KIAA1958: variants seen among roughly 807,000 people sequenced by gnomAD.
KIAA1958 encodes uncharacterized protein KIAA1958.
KIAA1958 carries 14 observed loss-of-function variants against 47.2 expected under a neutral mutation model. That is an observed-to-expected ratio of 0.30 (90% confidence interval 0.20 to 0.46). The LOEUF is 0.46. Among genes scored for constraint, KIAA1958 ranks in the 20% least tolerant of loss-of-function variants. KIAA1958 has a pLI of 1.00. For missense variants in KIAA1958, 803 were observed against 909.2 expected, an observed-to-expected ratio of 0.88 and a Z score of 1.50; for synonymous variants, 354 against 353.3, an observed-to-expected ratio of 1.00 and a Z score of -0.02.
At chr9:112,557,865 T>C (rs1835268776) in intron 1 of KIAA1958, among the ~76,000 whole-genome samples, 1 of 151,974 alleles carries the variant, frequency 6.6e-6, no homozygotes, top group Admixed American at 6.5e-5. Context: ...TATAAGAAAA[T>C]GTTATAGGAA....
chr9:112,527,880 T>C (rs1378993223), intron 1 of KIAA1958, among the ~76,000 whole-genome samples: 1 of 149,064 alleles, frequency 6.7e-6, no homozygotes, highest in Non-Finnish European at 1.5e-5. Flanking sequence ...GAGGTTTCAG[T>C]GAGTGGAGAT....
chr9:112,488,610 G>C (rs1180010902), intron 1 of KIAA1958, among the ~76,000 whole-genome samples: 1 of 151,972 alleles, frequency 6.6e-6, no homozygotes, highest in Non-Finnish European at 1.5e-5. Flanking sequence ...AGTTTTGGGG[G>C]CCATGCATAC....
At chr9:112,517,215 G>A (rs1046623755) in intron 1 of KIAA1958, among the ~76,000 whole-genome samples, 32 of 90,282 alleles carry the variant, frequency 3.5e-4, no homozygotes, top group Non-Finnish European at 6.4e-4. Context: ...GAACATCATA[G>A]AGAGTCCAGA....
intron 2 of KIAA1958, among the ~76,000 whole-genome samples, chr9:112,589,920 C>T (rs1404063771): frequency 6.6e-6 from 1 of 152,128 alleles, no homozygotes; most frequent in Non-Finnish European, 1.5e-5. Context: ...CTGGTATAGC[C>T]ATTATAAGTT....
chr9:112,595,573 G>A (rs945509507), intron 2 of KIAA1958, among the ~76,000 whole-genome samples: 9 of 151,756 alleles, frequency 5.9e-5, no homozygotes, highest in South Asian at 4.2e-4. Context: ...GGGGGTAGGC[G>A]GAGCTGAGGC....
intron 1 of KIAA1958, among the ~76,000 whole-genome samples, chr9:112,488,901 A>G (rs902849889): frequency 1.3e-5 from 2 of 152,206 alleles, no homozygotes; most frequent in Non-Finnish European, 2.9e-5. Flanking sequence ...TTGCATGCCT[A>G]ATTTTGTAAA....
intron 1 of KIAA1958, among the ~76,000 whole-genome samples, chr9:112,572,531 G>C (rs1220524143): frequency 6.6e-6 from 1 of 152,146 alleles, no homozygotes; most frequent in East Asian, 1.9e-4. Context: ...GTACAGCAAA[G>C]GCAAATCCCT....
At chr9:112,607,442 C>T (rs906155834) in intron 2 of KIAA1958, among the ~76,000 whole-genome samples, 6 of 152,044 alleles carry the variant, frequency 3.9e-5, no homozygotes, top group African/African-American at 1.4e-4. Flanking sequence ...GTAAAATAAA[C>T]GTTCCCTTTT....
At chr9:112,599,413 C>T (rs1472528653) in intron 2 of KIAA1958, among the ~76,000 whole-genome samples, 1 of 152,102 alleles carries the variant, frequency 6.6e-6, no homozygotes, top group Non-Finnish European at 1.5e-5. Context: ...GAAATGCAGT[C>T]ATAGTTGAAT....
intron 1 of KIAA1958, among the ~76,000 whole-genome samples, chr9:112,504,607 A>G (rs1834203320): frequency 6.6e-6 from 1 of 152,178 alleles, no homozygotes; most frequent in African/African-American, 2.4e-5. Flanking sequence ...ATCTGAGGTT[A>G]TCCAGCACTG....
At chr9:112,597,639 C>G (rs752991030) in intron 2 of KIAA1958, among the ~76,000 whole-genome samples, 1 of 152,252 alleles carries the variant, frequency 6.6e-6, no homozygotes, top group South Asian at 2.1e-4. Context: ...ATCTCTAACT[C>G]CTTCGTTAGA....
chr9:112,632,624 ATTTG>A (rs2131231070), intron 2 of KIAA1958, among the ~76,000 whole-genome samples: 1 of 152,068 alleles, frequency 6.6e-6, no homozygotes, highest in Admixed American at 6.5e-5. Context: ...TGTTATTTGT[ATTTG>A]TTCTGTGAAT....
At chr9:112,513,004 ATTT>A (rs34446189) in intron 1 of KIAA1958, among the ~76,000 whole-genome samples, 5 of 104,528 alleles carry the variant, frequency 4.8e-5, no homozygotes, top group Admixed American at 2.0e-4. Flanking sequence ...TGCCCAGCTA[ATTT>A]TTTTTTTTTT....
At chr9:112,556,735 C>G (rs1294201092) in intron 1 of KIAA1958, among the ~76,000 whole-genome samples, 3 of 152,202 alleles carry the variant, frequency 2.0e-5, no homozygotes, top group East Asian at 1.9e-4. Context: ...AGATTTTAAT[C>G]TAGGGAGTGT....
rs551956189 is a variant in KIAA1958 at position 112,625,423 on chromosome 9, GAATTACAGGC to G, written c.1172-20225_1172-20216del. 2.2e-4 allele frequency among the ~76,000 whole-genome samples: 34 copies of G among 152,284 alleles called. No individual in the cohort carries two copies. In the South Asian group the frequency reaches 6.8e-3, roughly 31 times the overall value. On this transcript the variant is annotated intron_variant, in intron 2 of 3. Coordinates refer to ENST00000337530, the MANE Select transcript of KIAA1958 (RefSeq NM_133465.4). ...CCCACCTCAGCCTCCCAAAGTGCTA[GAATTACAGGC>G]ATGAGCCACTGCTCTGTCCTCATCC...
chr9:112,643,629 CATTT>C (rs1206233292), intron 2 of KIAA1958, among the ~76,000 whole-genome samples: 1 of 152,132 alleles, frequency 6.6e-6, no homozygotes, highest in Non-Finnish European at 1.5e-5. Flanking sequence ...TTGCTGTAAA[CATTT>C]ATTAAAGCAG....
At chr9:112,498,963 A>G (rs1178875185) in intron 1 of KIAA1958, among the ~76,000 whole-genome samples, 2 of 152,116 alleles carry the variant, frequency 1.3e-5, no homozygotes, top group Non-Finnish European at 1.5e-5. Context: ...TCAAAAATTT[A>G]TCTCCTACAT....
chr9:112,559,878 A>G (rs1330423916), intron 1 of KIAA1958, among the ~76,000 whole-genome samples: 1 of 152,222 alleles, frequency 6.6e-6, no homozygotes, highest in East Asian at 1.9e-4. Context: ...ATGTGATGGA[A>G]TAATATTGCT....
rs780264638 is a variant in KIAA1958 at position 112,574,560 on chromosome 9, T to C, written c.480T>C (p.Phe160=). 19 of 1,614,150 alleles carry C rather than the reference T, an allele frequency of 1.2e-5. No homozygotes were observed. In the East Asian group the frequency reaches 4.0e-4, roughly 34 times the overall value. ...CTGTTACAGATGAGGATAGTGACTT[T>C]GAACCCCAAACCCAAAGGCCTCAAA... is the stretch of plus-strand genomic sequence containing the variant. The part of the protein sequence containing the change: ...ESSVTDEDSD[F]EPQTQRPQSI... Residue 160 remains phenylalanine (F), a synonymous_variant, in exon 2 of 4, where the codon TTT becomes TTC. Transcript: ENST00000337530.
Sources: allele counts gnomAD v4.1 joint callset (sites outside exome capture counted in the v4.1 genomes callset), GRCh38; gene constraint gnomAD v4.1.1; transcripts MANE v1.5; gene names NCBI Gene and HGNC (gene_info 2026-07-23, HGNC 2026-07-21).